The following CPEB3 variants were observed in gnomAD, a reference collection of about 807,000 sequenced individuals.
CPEB3 encodes the protein cytoplasmic polyadenylation element-binding protein 3.
In CPEB3, 20 loss-of-function variants were observed where a neutral mutation model predicts 67.2. The ratio of observed to expected loss-of-function variants is 0.30; its 90% CI spans 0.21 to 0.43. The LOEUF (loss-of-function observed/expected upper bound fraction) is 0.43, where lower values mean the gene tolerates loss of function less well. CPEB3 is among the 20% of genes least tolerant of loss of function. CPEB3 has a pLI of 1.00. For missense variants in CPEB3, 746 were observed against 968.6 expected, an observed-to-expected ratio of 0.77 and a Z score of 3.05; for synonymous variants, 376 against 393.1, an observed-to-expected ratio of 0.96 and a Z score of 0.51.
At chr10:92,250,858 A>T (rs1590533792) in intron 1 of CPEB3, among the ~76,000 whole-genome samples, 3 of 104,122 alleles carry the variant, frequency 2.9e-5, no homozygotes, top group Admixed American at 1.1e-4. Flanking sequence ...CACACAGTTA[A>T]TTTTTTTTTT....
At chr10:92,078,177 C>T (rs1046285988) in intron 9 of CPEB3, among the ~76,000 whole-genome samples, 8 of 152,100 alleles carry the variant, frequency 5.3e-5, no homozygotes, top group African/African-American at 1.4e-4. Flanking sequence ...TTAAGTGACC[C>T]GCCCAAGGTC....
intron 9 of CPEB3, among the ~76,000 whole-genome samples, chr10:92,054,377 A>C (rs1842033728): frequency 1.3e-5 from 2 of 152,198 alleles, no homozygotes; most frequent in South Asian, 4.1e-4. Context: ...AACATTTAAA[A>C]GACTGATAAC....
Position 92,052,178 on chromosome 10 carries a change from T to TA in CPEB3, c.*33dup. 4.1e-6 allele frequency: 6 copies of TA among 1,466,918 alleles called. No individual in the cohort carries two copies. Among genetic ancestry groups the TA allele is most frequent in the Non-Finnish European group, 5.7e-6 (6 of 1,048,502 alleles). The allele number at this position is 1,466,918 out of a possible 1,614,324, so 90.9% of individuals were successfully genotyped here. ...CCCTCTCTTTTCCCTCCTTGTTATCTACTCCAGTACTTGTGGCTGGGTCGG... is the reference window on the plus strand; with the variant it reads ...CCCTCTCTTTTCCCTCCTTGTTATCTAACTCCAGTACTTGTGGCTGGGTCGG... On this transcript the variant is annotated 3_prime_UTR_variant, in exon 10 of 10. Transcript: ENST00000265997.
rs180756044 is a variant in CPEB3, at chr10:92,190,576, A to G, written c.1165+1901T>C. On this transcript the variant is annotated intron_variant, in intron 3 of 9. Transcript: ENST00000265997. ...GCTACTCAGGAAGCTGAGGCAGGAG[A>G]ATCGCTTGAACCCATGAGGCACACG... Among the ~76,000 whole-genome samples, 537 of 149,988 alleles carry G rather than the reference A, an allele frequency of 3.6e-3. 2 individuals are homozygous for G. The highest frequency in any genetic ancestry group is 4.5e-3 in the Non-Finnish European group (304 of 67,606).
At position 92,216,613 on chromosome 10, in the gene CPEB3, C is replaced by A; in HGVS notation, c.1005+22733G>T. 3 of 1,610,176 alleles carry A rather than the reference C, an allele frequency of 1.9e-6. No homozygotes were observed. In the East Asian group the frequency reaches 6.7e-5, roughly 36 times the overall value. The stretch of plus-strand genomic sequence containing the variant: ...TGCCCATTGAGGTATACTGCCATCT[C>A]CCAGTTAGGTGTGAGGACCGAAATC... On this transcript the variant is annotated intron_variant, in intron 2 of 9. Transcript: ENST00000265997.
At chr10:92,165,572 C>A (rs1847702327) in intron 4 of CPEB3, among the ~76,000 whole-genome samples, 1 of 152,026 alleles carries the variant, frequency 6.6e-6, no homozygotes, top group African/African-American at 2.4e-5. Context: ...CAAAATATTT[C>A]TCTGTAGCAT....
chr10:92,095,600 A>T (rs200006139), intron 7 of CPEB3, among the ~76,000 whole-genome samples: 22,423 of 122,888 alleles, frequency 0.18, 2,332 homozygotes, highest in South Asian at 0.35. Context: ...ATATATATAT[A>T]TTTTTTTTTT....
intron 7 of CPEB3, among the ~76,000 whole-genome samples, chr10:92,095,621 A>G (rs1311065072): frequency 1.5e-5 from 2 of 132,548 alleles, no homozygotes; most frequent in African/African-American, 6.1e-5. Context: ...TTCATTGTGT[A>G]TATATATATT....
At chr10:92,120,637 T>C (rs889141546) in intron 6 of CPEB3, among the ~76,000 whole-genome samples, 5 of 151,952 alleles carry the variant, frequency 3.3e-5, no homozygotes, top group African/African-American at 4.8e-5. Context: ...AGGACATTAC[T>C]GAAACAATCT....
chr10:92,133,517 G>A (rs566380471), intron 6 of CPEB3, among the ~76,000 whole-genome samples: 1 of 152,264 alleles, frequency 6.6e-6, no homozygotes, highest in African/African-American at 2.4e-5. Flanking sequence ...TGAAATTGAG[G>A]CAATAATTAA....
chr10:92,261,111 G>T (rs541960339), intron 1 of CPEB3, among the ~76,000 whole-genome samples: 1 of 152,164 alleles, frequency 6.6e-6, no homozygotes, highest in African/African-American at 2.4e-5. Context: ...AAGGGCAATA[G>T]TCAATATGTC....
chr10:92,140,215 T>C (rs1230803212), intron 6 of CPEB3, among the ~76,000 whole-genome samples: 1 of 152,122 alleles, frequency 6.6e-6, no homozygotes, highest in Non-Finnish European at 1.5e-5. Flanking sequence ...GGCATCACAC[T>C]ACCTGACTTC....
intron 9 of CPEB3, among the ~76,000 whole-genome samples, chr10:92,073,921 A>G (rs763059704): frequency 4.6e-5 from 7 of 152,200 alleles, no homozygotes; most frequent in African/African-American, 1.7e-4. Flanking sequence ...TGGGTGTATT[A>G]TAAGTGCCAA....
intron 2 of CPEB3, 25 bp from the exon 3 acceptor site, chr10:92,192,661 C>T: frequency 1.3e-6 from 2 of 1,540,624 alleles, no homozygotes; most frequent in Non-Finnish European, 1.8e-6. Context: ...AAAAACAAGA[C>T]AATACATAAA....
chr10:92,202,064 A>G (rs1038070608), intron 2 of CPEB3, among the ~76,000 whole-genome samples: 8 of 152,038 alleles, frequency 5.3e-5, no homozygotes, highest in African/African-American at 1.7e-4. Flanking sequence ...AGAAAGAACT[A>G]CTCATTTACT....
chr10:92,085,754 G>C (rs982425920), intron 8 of CPEB3, among the ~76,000 whole-genome samples: 1 of 152,122 alleles, frequency 6.6e-6, no homozygotes, highest in African/African-American at 2.4e-5. Flanking sequence ...GATTATAGGA[G>C]TGCAGTCACC....
At chr10:92,266,112 C>A (rs1172745527) in intron 1 of CPEB3, among the ~76,000 whole-genome samples, 1 of 152,188 alleles carries the variant, frequency 6.6e-6, no homozygotes, top group Non-Finnish European at 1.5e-5. Context: ...AGGGCCTCAA[C>A]AGATGTGGCA....
intron 2 of CPEB3, among the ~76,000 whole-genome samples, chr10:92,207,002 T>C (rs747707342): frequency 2.6e-5 from 4 of 152,170 alleles, no homozygotes; most frequent in Non-Finnish European, 5.9e-5. Context: ...TTTTTTTGTT[T>C]TGAGACAGGG....
chr10:92,143,225 T>C lies in CPEB3; in HGVS notation c.1364-107A>G, dbSNP rs865984707. 1.6e-5 allele frequency: 12 copies of C among 755,066 alleles called. No individual in the cohort carries two copies. The Admixed American group carries it at 2.3e-4, about 14-fold the overall frequency. The allele number at this position is 755,066 out of a possible 1,614,324, so 46.8% of individuals were successfully genotyped here. A position where few individuals can be genotyped will look rare whatever the true frequency, so the allele number is the denominator to read the frequency against. On this transcript the variant is annotated intron_variant, in intron 5 of 9. Transcript: ENST00000265997. ...TTAGTTTAAAAAAATGTTTTGAGGG[T>C]TGTTTTCTATAGCATCTTTACGGAA...
Sources: gnomAD v4.1 joint callset for allele counts (sites outside exome capture counted in the v4.1 genomes callset) on GRCh38, gnomAD v4.1.1 for gene constraint, MANE v1.5 for transcripts, NCBI Gene and HGNC (gene_info 2026-07-23, HGNC 2026-07-21) for gene names.